Variants in COPA observed in about 807,000 individuals in gnomAD.
COPA encodes the protein coat protein complex I subunit alpha, also known as coatomer subunit alpha.
In COPA, 10 loss-of-function variants were observed where a neutral mutation model predicts 158.7. That is an observed-to-expected ratio of 0.06 (90% CI 0.04 to 0.11). COPA has a LOEUF of 0.11. COPA is among the 10% of genes least tolerant of loss of function. The pLI is 1.00. For synonymous variants in COPA, 462 were observed against 542.8 expected, an observed-to-expected ratio of 0.85 and a Z score of 2.07; for missense variants, 1,065 against 1,536.7, an observed-to-expected ratio of 0.69 and a Z score of 5.13.
intron 21 of COPA, among the ~76,000 whole-genome samples, chr1:160,296,547 C>T (rs1056829943): frequency 1.7e-4 from 26 of 152,196 alleles, no homozygotes; most frequent in Admixed American, 1.7e-3. Context: ...GAAGTAGATT[C>T]TCTCCCCGGT....
Position 160,294,805 on chromosome 1 carries a change from C to G in COPA, c.2529G>C (p.Glu843Asp). 1 of 1,614,160 alleles carries G rather than the reference C, an allele frequency of 6.2e-7. No individual in the cohort carries two copies. Among genetic ancestry groups the G allele is most frequent in the Non-Finnish European group, 8.5e-7 (1 of 1,180,026 alleles). ...ADIDIDTVGT[E>D]GWGEDAELQL... ...GCAGCTCTGCATCCTCTCCCCAGCC[C>G]TCTGTACCAACAGTGTCAATGTCAA... The change falls in exon 24 of 33, where the codon GAG (glutamate) becomes GAC (aspartate). Residue 843 changes from glutamate to aspartate, a missense_variant. Physicochemically the swap from Glu to Asp is conservative, Grantham distance 45. Transcript: ENST00000241704.
At chr1:160,301,075 T>C (rs916948976) in intron 17 of COPA, among the ~76,000 whole-genome samples, 1 of 151,918 alleles carries the variant, frequency 6.6e-6, no homozygotes, top group Non-Finnish European at 1.5e-5. Flanking sequence ...CTGAGGTGCT[T>C]GAACCCGGGA....
Position 160,291,338 on chromosome 1 carries a change from T to C in COPA, c.3417A>G (p.Gln1139=), listed in dbSNP as rs1658223766. 1.2e-6 allele frequency: 2 copies of C among 1,613,398 alleles called. No individual in the cohort carries two copies. The highest frequency in any genetic ancestry group is 1.7e-6 in the Non-Finnish European group (2 of 1,179,886). The change falls in exon 31 of 33, where the codon CAA becomes CAG. Residue 1139 remains glutamine (Q), a synonymous_variant. Coordinates refer to ENST00000241704, the MANE Select transcript of COPA (RefSeq NM_004371.4). ...LELGPKPEVA[Q]QTRKILSACE... is the part of the protein sequence containing the mutation. ...TCACTGAAGGAGTTCCATCTACCTG[T>C]TGGGCCACCTCAGGCTTGGGCCCGA...
At position 160,340,308 on chromosome 1, in the gene COPA, A is replaced by G; in HGVS notation, c.41-14T>C. ...GAAAGCTGAGCCCTGAAAAAAATAG[A>G]AAATGATACAATGAGCTAACTAAGC... is the stretch of plus-strand genomic sequence containing the variant. On this transcript the variant is annotated splice_polypyrimidine_tract_variant and intron_variant, in intron 1 of 32. Coordinates refer to ENST00000241704, the MANE Select transcript of COPA (RefSeq NM_004371.4). 6.5e-7 allele frequency: 1 copy of G among 1,548,484 alleles called. No homozygotes were observed. Among genetic ancestry groups the G allele is most frequent in the South Asian group, 1.1e-5 (1 of 89,504 alleles).
At position 160,340,238 on chromosome 1, in the gene COPA, T is replaced by C. The variant is rs1269263382; in HGVS notation, c.97A>G (p.Ile33Val). ...WILTSLHNGV[I>V]QLWDYRMCTL... ...CACATCCGATAGTCCCATAACTGGA[T>C]GACCCCATTATGTAAACTAGTCAGG... The change falls in exon 2 of 33, where the codon ATC (isoleucine) becomes GTC (valine). Residue 33 changes from isoleucine to valine, a missense_variant. Physicochemically the swap from Ile to Val is conservative, Grantham distance 29. Transcript: ENST00000241704. 1.2e-6 allele frequency: 2 copies of C among 1,613,814 alleles called. No homozygotes were observed. Among genetic ancestry groups the C allele is most frequent in the Non-Finnish European group, 1.7e-6 (2 of 1,179,984 alleles).
At chr1:160,315,064 C>A (rs567934595) in intron 8 of COPA, among the ~76,000 whole-genome samples, 1 of 152,296 alleles carries the variant, frequency 6.6e-6, no homozygotes, top group East Asian at 1.9e-4. Context: ...TCAGCAACAA[C>A]CCAGAACTCA....
intron 6 of COPA, among the ~76,000 whole-genome samples, chr1:160,327,732 C>T (rs981011660): frequency 6.6e-6 from 1 of 152,002 alleles, no homozygotes; most frequent in Non-Finnish European, 1.5e-5. Context: ...GTGGTGCATG[C>T]CTGTAATCCC....
chr1:160,304,132 A>C (rs1658703874), intron 17 of COPA, among the ~76,000 whole-genome samples: 1 of 151,684 alleles, frequency 6.6e-6, no homozygotes, highest in Non-Finnish European at 1.5e-5. Flanking sequence ...CTCCTGCCTC[A>C]GCCTCCGGAG....
intron 25 of COPA, 56 bp from the exon 26 acceptor site, chr1:160,293,519 G>A: frequency 1.5e-6 from 2 of 1,314,206 alleles, no homozygotes; most frequent in African/African-American, 3.0e-5. Flanking sequence ...TTTTGAGACA[G>A]GGTCACACTC....
At chr1:160,293,525 C>G in intron 25 of COPA, 62 bp from the exon 26 acceptor site, 6 of 1,277,220 alleles carry the variant, frequency 4.7e-6, no homozygotes, top group South Asian at 1.4e-5. Flanking sequence ...GACAGGGTCA[C>G]ACTCTGTCAC....
At chr1:160,338,797 C>G (rs74123121) in intron 3 of COPA, among the ~76,000 whole-genome samples, 1,839 of 152,300 alleles carry the variant, frequency 0.012, 43 homozygotes, top group African/African-American at 0.041. Context: ...ATCACTGTTT[C>G]CCATACTAAC....
At chr1:160,323,671 T>C (rs928449574) in intron 7 of COPA, 141 bp from the exon 8 acceptor site, 18 of 477,290 alleles carry the variant, frequency 3.8e-5, no homozygotes, top group African/African-American at 3.4e-4. Context: ...TGCTCTAAAA[T>C]TTTGAGCATC....
chr1:160,318,477 A>AAC (rs1557869991), intron 8 of COPA, among the ~76,000 whole-genome samples: 2 of 76,460 alleles, frequency 2.6e-5, no homozygotes, highest in Non-Finnish European at 4.5e-5. Flanking sequence ...GTAAAAAAAA[A>AAC]AAAAAAAAAA....
At chr1:160,322,506 C>T (rs927474606) in intron 8 of COPA, among the ~76,000 whole-genome samples, 2 of 152,116 alleles carry the variant, frequency 1.3e-5, no homozygotes, top group Non-Finnish European at 2.9e-5. Context: ...GGAAATGTCC[C>T]AGGACATTGT....
At chr1:160,338,344 T>C (rs2101878466) in intron 3 of COPA, among the ~76,000 whole-genome samples, 1 of 152,332 alleles carries the variant, frequency 6.6e-6, no homozygotes, top group South Asian at 2.1e-4. Context: ...TTCCTATAAT[T>C]CTAATAGCTC....
chr1:160,303,101 A>G (rs933208842), intron 17 of COPA, among the ~76,000 whole-genome samples: 1 of 152,104 alleles, frequency 6.6e-6, no homozygotes, highest in African/African-American at 2.4e-5. Context: ...TGAACCTGGG[A>G]GACAGGAGAA....
intron 11 of COPA, among the ~76,000 whole-genome samples, chr1:160,311,420 AGAGT>A (rs968529454): frequency 1.3e-5 from 2 of 150,022 alleles, no homozygotes; most frequent in African/African-American, 2.5e-5. Context: ...CCTGGGTGAC[AGAGT>A]GAGACTCCAT....
rs959433129 is a variant in COPA at position 160,325,761 on chromosome 1, G to A, written c.497-109C>T. The A allele has an allele frequency of 3.8e-6, 3 of 784,358 alleles. No homozygotes were observed. In the African/African-American group the frequency reaches 5.2e-5, roughly 14 times the overall value. 48.6% of individuals were successfully genotyped at this position (784,358 alleles called of 1,614,324 possible). A position where few individuals can be genotyped will look rare whatever the true frequency, so the allele number is the denominator to read the frequency against. Reference sequence around the variant, plus strand: ...GTGAAAAAGAAAAGAAAAAGAAATGGAAAAGACTGAAGAAAGAAAAGAGAC... The same window carrying A: ...GTGAAAAAGAAAAGAAAAAGAAATGAAAAAGACTGAAGAAAGAAAAGAGAC... On this transcript the variant is annotated intron_variant, in intron 6 of 32. Coordinates refer to ENST00000241704, the MANE Select transcript of COPA (RefSeq NM_004371.4).
chr1:160,318,722 T>C (rs1351583932), intron 8 of COPA, among the ~76,000 whole-genome samples: 1 of 151,664 alleles, frequency 6.6e-6, no homozygotes, highest in Non-Finnish European at 1.5e-5. Flanking sequence ...AGAAATGGAG[T>C]TAAATGTATA....
Sources: gnomAD v4.1 joint callset for allele counts (sites outside exome capture counted in the v4.1 genomes callset) on GRCh38, gnomAD v4.1.1 for gene constraint, MANE v1.5 for transcripts, NCBI Gene and HGNC (gene_info 2026-07-23, HGNC 2026-07-21) for gene names.